The following FOXO3 variants were observed in gnomAD, a reference collection of about 807,000 sequenced individuals.
The protein encoded by FOXO3 is forkhead box O3.
In FOXO3, 4 loss-of-function variants were observed where a neutral mutation model predicts 41.9. The ratio of observed to expected loss-of-function variants is 0.10; its 90% CI spans 0.05 to 0.22. The LOEUF (loss-of-function observed/expected upper bound fraction) is 0.22, where lower values mean the gene tolerates loss of function less well. Among genes scored for constraint, FOXO3 ranks in the 10% least tolerant of loss-of-function variants. The pLI is 1.00. For missense variants in FOXO3, 534 were observed against 906.8 expected (o/e 0.59, Z 5.28); for synonymous variants, 318 against 389.3 (o/e 0.82, Z 2.16).
intron 1 of FOXO3, among the ~76,000 whole-genome samples, chr6:108,590,876 A>G (rs1437556571): frequency 6.6e-6 from 1 of 152,172 alleles, no homozygotes. Context: ...GACAGCTTTC[A>G]GATTGGAGAT....
At chr6:108,629,493 TTG>T (rs1777901234) in intron 1 of FOXO3, among the ~76,000 whole-genome samples, 1 of 152,162 alleles carries the variant, frequency 6.6e-6, no homozygotes, top group South Asian at 2.1e-4. Context: ...TTTTTTCTTT[TTG>T]TCTTAGACAC....
At chr6:108,615,505 AT>A (rs747727310) in intron 1 of FOXO3, among the ~76,000 whole-genome samples, 45 of 147,444 alleles carry the variant, frequency 3.1e-4, no homozygotes, top group South Asian at 8.6e-4. Flanking sequence ...GCTTTTAAGT[AT>A]TTTTTTTTTG....
intron 1 of FOXO3, among the ~76,000 whole-genome samples, chr6:108,632,468 T>C (rs1038035541): frequency 6.6e-6 from 1 of 152,234 alleles, no homozygotes; most frequent in African/African-American, 2.4e-5. Flanking sequence ...TTATCTCACA[T>C]AATTCTTGAG....
intron 1 of FOXO3, among the ~76,000 whole-genome samples, chr6:108,568,739 G>C (rs1364684979): frequency 1.3e-5 from 2 of 152,174 alleles, no homozygotes; most frequent in East Asian, 3.8e-4. Context: ...AGCTCTGAAG[G>C]TGGCATCAGC....
chr6:108,628,119 C>CAG (rs1777864532), intron 1 of FOXO3, among the ~76,000 whole-genome samples: 1 of 150,108 alleles, frequency 6.7e-6, no homozygotes, highest in Non-Finnish European at 1.5e-5. Context: ...AAAAGCCTGG[C>CAG]AGAGACCAAG....
intron 1 of FOXO3, among the ~76,000 whole-genome samples, chr6:108,646,831 A>G (rs1353285613): frequency 6.6e-6 from 1 of 152,216 alleles, no homozygotes; most frequent in Non-Finnish European, 1.5e-5. Context: ...GGGAGAATTC[A>G]TTTATGCTTT....
intron 1 of FOXO3, among the ~76,000 whole-genome samples, chr6:108,640,028 GCT>G (rs1278812565): frequency 1.3e-5 from 2 of 152,190 alleles, no homozygotes; most frequent in Non-Finnish European, 2.9e-5. Context: ...ATAAAAGACA[GCT>G]CTGTTTTTAA....
chr6:108,566,545 C>G (rs1039986591), intron 1 of FOXO3, among the ~76,000 whole-genome samples: 9 of 152,130 alleles, frequency 5.9e-5, no homozygotes, highest in Non-Finnish European at 1.0e-4. Flanking sequence ...TCAAGACCAG[C>G]TTGGGCACAT....
intron 1 of FOXO3, among the ~76,000 whole-genome samples, chr6:108,611,119 T>G (rs1162239320): frequency 6.6e-6 from 1 of 152,168 alleles, no homozygotes; most frequent in Non-Finnish European, 1.5e-5. Context: ...TAGCCCTTTG[T>G]GTTAGCATCT....
At chr6:108,609,824 C>A (rs1455501731) in intron 1 of FOXO3, among the ~76,000 whole-genome samples, 1 of 152,204 alleles carries the variant, frequency 6.6e-6, no homozygotes, top group Non-Finnish European at 1.5e-5. Flanking sequence ...GAATATGCTG[C>A]TAACACGCCT....
chr6:108,678,365 C>G (rs1293298189), intron 2 of FOXO3, among the ~76,000 whole-genome samples: 1 of 152,152 alleles, frequency 6.6e-6, no homozygotes, highest in African/African-American at 2.4e-5. Context: ...CTTTTCTATC[C>G]ATTTCTTGGC....
At chr6:108,675,346 G>A (rs764475023) in intron 2 of FOXO3, among the ~76,000 whole-genome samples, 5 of 152,128 alleles carry the variant, frequency 3.3e-5, no homozygotes, top group Non-Finnish European at 7.4e-5. Flanking sequence ...GTCCACTCCA[G>A]GTCTAGGCTC....
chr6:108,598,739 C>G (rs1776961503), intron 1 of FOXO3, among the ~76,000 whole-genome samples: 1 of 152,138 alleles, frequency 6.6e-6, no homozygotes, highest in South Asian at 2.1e-4. Context: ...TGGGAAGCCT[C>G]TCATTCATGA....
chr6:108,576,087 A>G (rs912509158), intron 1 of FOXO3, among the ~76,000 whole-genome samples: 7 of 152,186 alleles, frequency 4.6e-5, no homozygotes, highest in African/African-American at 1.7e-4. Context: ...TAGGTGAGCT[A>G]GTATACTGTT....
chr6:108,639,419 G>A (rs771547581), intron 1 of FOXO3: 6 of 321,484 alleles, frequency 1.9e-5, no homozygotes, highest in African/African-American at 1.1e-4. Context: ...AGCTCAGTTT[G>A]TTGGTCACAA....
chr6:108,567,066 TGGA>T (rs1775965519), intron 1 of FOXO3, among the ~76,000 whole-genome samples: 1 of 152,236 alleles, frequency 6.6e-6, no homozygotes, highest in South Asian at 2.1e-4. Context: ...CATATTCTGA[TGGA>T]GGAGACAGAA....
intron 2 of FOXO3, among the ~76,000 whole-genome samples, chr6:108,670,397 T>C (rs777357206): frequency 1.3e-5 from 2 of 151,820 alleles, no homozygotes; most frequent in Non-Finnish European, 2.9e-5. Context: ...TGCAAATTAG[T>C]ATTTAGAGGT....
chr6:108,635,954 GA>G (rs1226341748), intron 1 of FOXO3, among the ~76,000 whole-genome samples: 5 of 152,176 alleles, frequency 3.3e-5, no homozygotes, highest in African/African-American at 9.7e-5. Flanking sequence ...AGACTTCTCA[GA>G]AAAAAAGAAA....
At chr6:108,678,288 T>A (rs781348829) in intron 2 of FOXO3, among the ~76,000 whole-genome samples, 22 of 152,208 alleles carry the variant, frequency 1.4e-4, no homozygotes, top group Non-Finnish European at 3.1e-4. Flanking sequence ...AGTTTTTTGA[T>A]GCTTTTTTCA....
Sources: allele counts gnomAD v4.1 joint callset (sites outside exome capture counted in the v4.1 genomes callset), GRCh38; gene constraint gnomAD v4.1.1; transcripts MANE v1.5; gene names NCBI Gene and HGNC (gene_info 2026-07-23, HGNC 2026-07-21).